Variants in DENND1B observed in about 807,000 individuals in gnomAD.
DENND1B encodes DENN domain containing 1B, also known as DENN domain-containing protein 1B.
A neutral mutation model predicts 90.1 loss-of-function variants in DENND1B; 59 were observed. That is an observed-to-expected ratio of 0.65 (90% confidence interval 0.53 to 0.81). DENND1B has a LOEUF of 0.81. Among genes scored for constraint, DENND1B ranks in the 40% least tolerant of loss-of-function variants. The pLI is 0.00. For synonymous variants in DENND1B, 337 were observed against 324.6 expected, an observed-to-expected ratio of 1.04 and a Z score of -0.41; for missense variants, 862 against 912.6, an observed-to-expected ratio of 0.94 and a Z score of 0.71.
intron 3 of DENND1B, 30 bp downstream of exon 3, chr1:197,715,001 A>C (rs774258511): frequency 1.3e-6 from 2 of 1,563,526 alleles, no homozygotes; most frequent in Non-Finnish European, 1.8e-6. Context: ...CTTCAACTTT[A>C]AATTTTTTAA....
chr1:197,635,216 C>T (rs17565558), intron 10 of DENND1B, among the ~76,000 whole-genome samples: 24,515 of 152,194 alleles, frequency 0.16, 2,254 homozygotes, highest in Non-Finnish European at 0.2. Flanking sequence ...TTATATTTTA[C>T]ACTATAATGT....
chr1:197,647,718 G>A (rs149697447), intron 7 of DENND1B, among the ~76,000 whole-genome samples: 53 of 152,272 alleles, frequency 3.5e-4, no homozygotes, highest in African/African-American at 1.3e-3. Flanking sequence ...GGAGGCCAAG[G>A]CGGGCAGAAT....
chr1:197,517,224 A>C (rs1476757223), intron 20 of DENND1B, among the ~76,000 whole-genome samples: 1 of 151,890 alleles, frequency 6.6e-6, no homozygotes, highest in Non-Finnish European at 1.5e-5. Context: ...AGAATAATTA[A>C]ATGTGGCTGT....
rs2125581641 is a variant in DENND1B at position 197,504,822 on chromosome 1, T to A, written c.*5638A>T. The A allele has an allele frequency of 6.6e-6, 1 of 151,944 alleles. No individual in the cohort carries two copies. Among genetic ancestry groups the A allele is most frequent in the South Asian group, 2.1e-4 (1 of 4,824 alleles). The allele number at this position is 151,944 out of a possible 1,614,324, so 9.4% of individuals were successfully genotyped here. On this transcript the variant is annotated 3_prime_UTR_variant, in exon 23 of 23. Transcript: ENST00000620048. Reference sequence around the variant, plus strand: ...GGTAATGTAGATTTTATTCAATATTTATTTTTGCATATTTTTAAAAAAATT... The same window carrying A: ...GGTAATGTAGATTTTATTCAATATTAATTTTTGCATATTTTTAAAAAAATT...
chr1:197,538,845 G>T (rs1169373291), intron 20 of DENND1B, among the ~76,000 whole-genome samples: 1 of 151,670 alleles, frequency 6.6e-6, no homozygotes, highest in Non-Finnish European at 1.5e-5. Flanking sequence ...GGCCATGAGG[G>T]TTCCACCCTC....
chr1:197,625,744 A>G (rs1453344239), intron 10 of DENND1B, among the ~76,000 whole-genome samples: 2 of 152,158 alleles, frequency 1.3e-5, no homozygotes, highest in African/African-American at 4.8e-5. Context: ...GTCAAGACCC[A>G]TCAGTGTGCT....
chr1:197,679,101 T>C (rs979441439), intron 3 of DENND1B, among the ~76,000 whole-genome samples: 2 of 151,874 alleles, frequency 1.3e-5, no homozygotes, highest in African/African-American at 4.8e-5. Flanking sequence ...TTTATATTAT[T>C]AGAATATTAA....
At chr1:197,707,587 T>C (rs1036522672) in intron 3 of DENND1B, among the ~76,000 whole-genome samples, 7 of 147,632 alleles carry the variant, frequency 4.7e-5, no homozygotes, top group Admixed American at 6.8e-5. Flanking sequence ...CATATATTTA[T>C]ATACATATAT....
intron 13 of DENND1B, among the ~76,000 whole-genome samples, chr1:197,603,752 C>T (rs377011392): frequency 6.6e-4 from 99 of 150,832 alleles, no homozygotes; most frequent in South Asian, 1.0e-3. Context: ...TTTTTTAAAA[C>T]GTTAATGATA....
intron 10 of DENND1B, among the ~76,000 whole-genome samples, chr1:197,637,404 A>T (rs1422261689): frequency 6.6e-6 from 1 of 152,184 alleles, no homozygotes; most frequent in Non-Finnish European, 1.5e-5. Flanking sequence ...ATTAAAAGCC[A>T]ATTATTTACT....
rs532020347 is a variant in DENND1B, at chr1:197,516,933, A to C, written c.1516-3980T>G. 6.6e-4 allele frequency among the ~76,000 whole-genome samples: 100 copies of C among 151,982 alleles called. 1 individual carries two copies. Among genetic ancestry groups the C allele is most frequent in the African/African-American group, 2.3e-3 (95 of 41,530 alleles). ...TGACTTATCCTTCAACATCCAGCTC[A>C]AATGTAGCCTCTGGAAAGCTTTATC... is the stretch of plus-strand genomic sequence containing the variant. On this transcript the variant is annotated intron_variant, in intron 20 of 22. Coordinates refer to ENST00000620048, the MANE Select transcript of DENND1B (RefSeq NM_001195215.2).
At chr1:197,678,788 T>C (rs1656350043) in intron 3 of DENND1B, among the ~76,000 whole-genome samples, 1 of 152,152 alleles carries the variant, frequency 6.6e-6, no homozygotes, top group Non-Finnish European at 1.5e-5. Context: ...TATGCAGTGT[T>C]TGGTTTTCTA....
intron 20 of DENND1B, among the ~76,000 whole-genome samples, chr1:197,514,966 C>G (rs1400161618): frequency 1.3e-5 from 2 of 151,644 alleles, no homozygotes; most frequent in African/African-American, 2.4e-5. Flanking sequence ...GTGCTTATGG[C>G]TGCAAACCAT....
rs1056245097 is a variant in DENND1B, at chr1:197,600,775, T to G, written c.922-5442A>C. 2.6e-5 allele frequency among the ~76,000 whole-genome samples: 4 copies of G among 151,736 alleles called. No homozygotes were observed. The South Asian group carries it at 8.3e-4, about 32-fold the overall frequency. ...GAAATAAGAATATAGACCAAGCTCC[T>G]AACTGCTTCCATACTTTCTCATACT... On this transcript the variant is annotated intron_variant, in intron 13 of 22. Coordinates refer to ENST00000620048, the MANE Select transcript of DENND1B (RefSeq NM_001195215.2).
At chr1:197,678,605 C>A (rs1656328335) in intron 3 of DENND1B, among the ~76,000 whole-genome samples, 2 of 152,186 alleles carry the variant, frequency 1.3e-5, no homozygotes, top group African/African-American at 4.8e-5. Context: ...ACAGCAAACT[C>A]TCAGGGACAC....
intron 7 of DENND1B, among the ~76,000 whole-genome samples, chr1:197,648,204 G>A (rs1034625489): frequency 6.6e-6 from 1 of 152,030 alleles, no homozygotes; most frequent in Non-Finnish European, 1.5e-5. Context: ...GCTCTTCACA[G>A]TATATCTAGA....
rs2125972955 is a variant in DENND1B, at chr1:197,666,092, G to A, written c.296+5945C>T. Among the ~76,000 whole-genome samples the A allele has an allele frequency of 2.0e-5, 3 of 152,176 alleles. No homozygotes were observed. The South Asian group carries it at 6.2e-4, about 32-fold the overall frequency. On this transcript the variant is annotated intron_variant, in intron 5 of 22. Coordinates refer to ENST00000620048, the MANE Select transcript of DENND1B (RefSeq NM_001195215.2). ...AAAGTCATAATACACTACTGGTAAA[G>A]ATATAAGAAAGTGATTAAATATAAC... is the stretch of plus-strand genomic sequence containing the variant.
intron 2 of DENND1B, among the ~76,000 whole-genome samples, chr1:197,726,003 TACAC>T (rs35137997): frequency 6.6e-6 from 1 of 151,376 alleles, no homozygotes; most frequent in Non-Finnish European, 1.5e-5. Flanking sequence ...TATATACATA[TACAC>T]ACACACACAC....
chr1:197,680,875 A>G (rs1217495327), intron 3 of DENND1B, among the ~76,000 whole-genome samples: 1 of 152,062 alleles, frequency 6.6e-6, no homozygotes, highest in Non-Finnish European at 1.5e-5. Flanking sequence ...AAGATCACAC[A>G]AGGATTTATT....
Sources: gnomAD v4.1 joint callset for allele counts (sites outside exome capture counted in the v4.1 genomes callset) on GRCh38, gnomAD v4.1.1 for gene constraint, MANE v1.5 for transcripts, NCBI Gene and HGNC (gene_info 2026-07-23, HGNC 2026-07-21) for gene names.